Variants in BRD10 observed in about 807,000 individuals in gnomAD.
The protein encoded by BRD10 is bromodomain containing 10.
the BRD10 span, among the ~76,000 whole-genome samples, chr9:5,992,574 A>C: frequency 1.3e-5 from 2 of 152,164 alleles, no homozygotes; most frequent in Non-Finnish European, 2.9e-5. Flanking sequence ...CAAAAATTCA[A>C]GCTTTTTTTC....
At chr9:5,925,195 C>A in the BRD10 span, among the ~76,000 whole-genome samples, 595 of 151,888 alleles carry the variant, frequency 3.9e-3, 5 homozygotes, top group Middle Eastern at 6.8e-3. Flanking sequence ...CCTGTCTCTA[C>A]TAAAAATACA....
the BRD10 span, among the ~76,000 whole-genome samples, chr9:5,981,807 GTTA>G: frequency 6.6e-6 from 1 of 152,142 alleles, no homozygotes; most frequent in Non-Finnish European, 1.5e-5. Context: ...CTATTACATA[GTTA>G]TTATATAAGG....
the BRD10 span, chr9:5,968,809 T>C: frequency 6.2e-7 from 1 of 1,613,906 alleles, no homozygotes; most frequent in Non-Finnish European, 8.5e-7. Flanking sequence ...CACAGAACTG[T>C]GGAAAATGTA....
At chr9:5,993,237 C>T in the BRD10 span, among the ~76,000 whole-genome samples, 1 of 147,998 alleles carries the variant, frequency 6.8e-6, no homozygotes, top group East Asian at 2.0e-4. Context: ...CTCACTGGAA[C>T]CTGGGAGACG....
the BRD10 span, among the ~76,000 whole-genome samples, chr9:5,993,756 C>T: frequency 6.6e-6 from 1 of 152,192 alleles, no homozygotes; most frequent in Non-Finnish European, 1.5e-5. Flanking sequence ...AATCAGAAGT[C>T]AGAGGTCAAG....
chr9:5,935,017 T>G, the BRD10 span, among the ~76,000 whole-genome samples: 3 of 152,194 alleles, frequency 2.0e-5, no homozygotes, highest in African/African-American at 7.2e-5. Context: ...TTCCTGCATA[T>G]TCACAGTTTT....
chr9:6,005,805 C>A, the BRD10 span, among the ~76,000 whole-genome samples: 5 of 152,250 alleles, frequency 3.3e-5, no homozygotes, highest in African/African-American at 1.2e-4. Flanking sequence ...TACAGAAATA[C>A]AAAATTACTA....
the BRD10 span, among the ~76,000 whole-genome samples, chr9:5,955,104 T>A: frequency 6.6e-6 from 1 of 151,846 alleles, no homozygotes; most frequent in Admixed American, 6.6e-5. Context: ...AAAATAATAA[T>A]AAAATAAAAT....
the BRD10 span, among the ~76,000 whole-genome samples, chr9:5,945,296 A>G: frequency 6.6e-6 from 1 of 152,110 alleles, no homozygotes; most frequent in Admixed American, 6.6e-5. Context: ...TAGATTTCAC[A>G]GGTTGTCAAA....
the BRD10 span, chr9:5,929,221 T>C: frequency 3.4e-6 from 3 of 876,922 alleles, no homozygotes; most frequent in Non-Finnish European, 5.5e-6. Context: ...TCAAAACTTA[T>C]TTTCTGAGTA....
chr9:5,925,532 G>A, the BRD10 span, among the ~76,000 whole-genome samples: 1 of 151,752 alleles, frequency 6.6e-6, no homozygotes, highest in Non-Finnish European at 1.5e-5. Flanking sequence ...TAAAATTACT[G>A]ACTATAACAC....
chr9:5,882,183 C>T, the BRD10 span, among the ~76,000 whole-genome samples: 1 of 152,094 alleles, frequency 6.6e-6, no homozygotes, highest in Admixed American at 6.5e-5. Flanking sequence ...GTGATGGTCA[C>T]CATTTGCCAA....
chr9:5,974,151 C>G, the BRD10 span, among the ~76,000 whole-genome samples: 1 of 152,128 alleles, frequency 6.6e-6, no homozygotes, highest in South Asian at 2.1e-4. Context: ...GAAAAAAGGA[C>G]AGATTACGTA....
At chr9:5,914,625 G>A in the BRD10 span, among the ~76,000 whole-genome samples, 862 of 151,608 alleles carry the variant, frequency 5.7e-3, 8 homozygotes, top group African/African-American at 0.02. Context: ...GGGTTTCACC[G>A]CATTAGCCAG....
the BRD10 span, among the ~76,000 whole-genome samples, chr9:6,001,289 A>C: frequency 2.1e-4 from 32 of 152,170 alleles, no homozygotes; most frequent in African/African-American, 7.7e-4. Flanking sequence ...TCAAACCTCA[A>C]AATACTACTA....
chr9:5,965,707 A>T, the BRD10 span, among the ~76,000 whole-genome samples: 1 of 152,186 alleles, frequency 6.6e-6, no homozygotes, highest in Non-Finnish European at 1.5e-5. Context: ...TGAATTGTGA[A>T]CCTCTACTAA....
the BRD10 span, among the ~76,000 whole-genome samples, chr9:5,947,299 A>G: frequency 3.9e-5 from 6 of 152,124 alleles, no homozygotes; most frequent in African/African-American, 1.4e-4. Flanking sequence ...TGCATTTCTA[A>G]CAAGTTTCCA....
chr9:5,881,229 G>T, the BRD10 span, among the ~76,000 whole-genome samples: 4 of 152,168 alleles, frequency 2.6e-5, no homozygotes, highest in South Asian at 2.1e-4. Context: ...ATTTATGGGA[G>T]AGTCAAATGC....
the BRD10 span, among the ~76,000 whole-genome samples, chr9:5,886,413 T>C: frequency 6.6e-6 from 1 of 152,242 alleles, no homozygotes; most frequent in African/African-American, 2.4e-5. Context: ...AGGCGTATTC[T>C]GTGCCACGTG....
Sources: gnomAD v4.1 joint callset for allele counts (sites outside exome capture counted in the v4.1 genomes callset) on GRCh38, gnomAD v4.1.1 for gene constraint, MANE v1.5 for transcripts, NCBI Gene and HGNC (gene_info 2026-07-23, HGNC 2026-07-21) for gene names.